SLC6A11: variants seen among roughly 807,000 people sequenced by gnomAD.
The protein encoded by SLC6A11 is solute carrier family 6 member 11.
SLC6A11 carries 25 observed loss-of-function variants against 74.8 expected under a neutral mutation model. The ratio of observed to expected loss-of-function variants is 0.33; its 90% CI spans 0.24 to 0.47. The LOEUF is 0.47. Ranked by LOEUF, SLC6A11 falls within the 20% of genes least tolerant of loss-of-function variation. The probability of loss-of-function intolerance (pLI) is 1.00; values close to 1 mark genes in which losing one functional copy is unlikely to be tolerated. For missense variants in SLC6A11, 574 were observed against 837.0 expected (o/e 0.69, Z 3.88); for synonymous variants, 330 against 330.2 (o/e 1.00, Z 0.01).
At chr3:10,819,260 A>G (rs990085681) in intron 1 of SLC6A11, among the ~76,000 whole-genome samples, 3 of 152,234 alleles carry the variant, frequency 2.0e-5, no homozygotes, top group African/African-American at 7.2e-5. Context: ...TCCATTTTAC[A>G]GATGGAGAAG....
chr3:10,830,633 G>A (rs1694282648), intron 4 of SLC6A11, among the ~76,000 whole-genome samples: 1 of 152,164 alleles, frequency 6.6e-6, no homozygotes, highest in Non-Finnish European at 1.5e-5. Context: ...GAGGTGGCAT[G>A]TCAGCAAGGG....
intron 5 of SLC6A11, among the ~76,000 whole-genome samples, chr3:10,847,514 A>G (rs6807779): frequency 0.66 from 100,712 of 152,064 alleles, 35,273 homozygotes; most frequent in African/African-American, 0.89. Flanking sequence ...GGAGCTGTAA[A>G]AATCCTTAGA....
intron 6 of SLC6A11, among the ~76,000 whole-genome samples, chr3:10,879,543 C>T (rs1694950170): frequency 1.3e-5 from 2 of 152,190 alleles, no homozygotes; most frequent in African/African-American, 4.8e-5. Context: ...TCCCCTCCTC[C>T]CTCAATCACA....
intron 5 of SLC6A11, among the ~76,000 whole-genome samples, chr3:10,873,463 TCCTAC>T (rs1694857599): frequency 6.6e-6 from 1 of 150,426 alleles, no homozygotes; most frequent in Admixed American, 6.6e-5. Context: ...TGGCATGCTA[TCCTAC>T]CCTACCCTAC....
chr3:10,845,237 C>T (rs893960009), intron 5 of SLC6A11, among the ~76,000 whole-genome samples: 2 of 152,168 alleles, frequency 1.3e-5, no homozygotes, highest in Non-Finnish European at 2.9e-5. Context: ...CTTGCCTGCC[C>T]ACACAGTGGC....
intron 3 of SLC6A11, among the ~76,000 whole-genome samples, chr3:10,821,542 T>C (rs58468846): frequency 0.052 from 7,993 of 152,274 alleles, 482 homozygotes; most frequent in African/African-American, 0.14. Context: ...ACTCAACAGA[T>C]TCTGCTTCTT....
At chr3:10,903,653 GT>G in intron 6 of SLC6A11, among the ~76,000 whole-genome samples, 1 of 152,278 alleles carries the variant, frequency 6.6e-6, no homozygotes, top group Middle Eastern at 3.4e-3. Flanking sequence ...TTTCCTCCAG[GT>G]TTTTGAGTAC....
intron 4 of SLC6A11, among the ~76,000 whole-genome samples, chr3:10,834,350 T>TG (rs1323994262): frequency 3.0e-4 from 44 of 148,760 alleles, no homozygotes; most frequent in East Asian, 1.0e-3. Context: ...GTTTTTTTTT[T>TG]TGTTTTTTTT....
intron 4 of SLC6A11, among the ~76,000 whole-genome samples, chr3:10,830,536 G>A (rs1694281285): frequency 6.6e-6 from 1 of 152,150 alleles, no homozygotes; most frequent in Admixed American, 6.5e-5. Flanking sequence ...GAAAATATTG[G>A]ATTAAGTTGA....
intron 4 of SLC6A11, among the ~76,000 whole-genome samples, chr3:10,836,814 G>T (rs1388891430): frequency 6.6e-6 from 1 of 152,232 alleles, no homozygotes; most frequent in African/African-American, 2.4e-5. Context: ...TAGGACAAGG[G>T]TCAGCAAACT....
chr3:10,897,795 C>T (rs1371791168), intron 6 of SLC6A11, among the ~76,000 whole-genome samples: 1 of 152,218 alleles, frequency 6.6e-6, no homozygotes, highest in Non-Finnish European at 1.5e-5. Context: ...TAGGTGGTGT[C>T]CCAGTAGGGA....
intron 5 of SLC6A11, among the ~76,000 whole-genome samples, chr3:10,846,821 G>A (rs1346324745): frequency 6.6e-6 from 1 of 152,132 alleles, no homozygotes; most frequent in Admixed American, 6.5e-5. Flanking sequence ...AAGGGAGGGC[G>A]GGCAGCCTGG....
At chr3:10,910,476 T>C (rs1258893459) in intron 6 of SLC6A11, among the ~76,000 whole-genome samples, 1 of 152,128 alleles carries the variant, frequency 6.6e-6, no homozygotes, top group Non-Finnish European at 1.5e-5. Context: ...TCTTTAAAAA[T>C]GTTCTAATAG....
At chr3:10,873,299 G>A (rs1694848486) in intron 5 of SLC6A11, among the ~76,000 whole-genome samples, 1 of 151,348 alleles carries the variant, frequency 6.6e-6, no homozygotes, top group South Asian at 2.1e-4. Context: ...AGCCCAAATG[G>A]TTCCAGGCAG....
intron 5 of SLC6A11, among the ~76,000 whole-genome samples, chr3:10,871,065 T>G (rs1694822896): frequency 6.6e-6 from 1 of 152,198 alleles, no homozygotes; most frequent in Non-Finnish European, 1.5e-5. Flanking sequence ...CTCTAAACAA[T>G]GGAATTGCTT....
At chr3:10,886,751 G>C (rs1695046917) in intron 6 of SLC6A11, among the ~76,000 whole-genome samples, 1 of 149,828 alleles carries the variant, frequency 6.7e-6, no homozygotes, top group Non-Finnish European at 1.5e-5. Flanking sequence ...AGGTTGCAGT[G>C]AGCCAAGATC....
At chr3:10,856,390 C>T (rs945007657) in intron 5 of SLC6A11, among the ~76,000 whole-genome samples, 2 of 152,240 alleles carry the variant, frequency 1.3e-5, no homozygotes, top group Non-Finnish European at 2.9e-5. Context: ...TGAGGCACAT[C>T]GTTTGCAGAG....
intron 6 of SLC6A11, among the ~76,000 whole-genome samples, chr3:10,904,591 G>C (rs1695279960): frequency 1.3e-5 from 2 of 152,172 alleles, no homozygotes; most frequent in South Asian, 4.1e-4. Context: ...TCGAGAAATA[G>C]GAAGCCCTTT....
At chr3:10,865,594 T>C (rs571595594) in intron 5 of SLC6A11, among the ~76,000 whole-genome samples, 1 of 151,774 alleles carries the variant, frequency 6.6e-6, no homozygotes, top group South Asian at 2.1e-4. Context: ...ATCCAGGAGG[T>C]GGAGGCTGCA....
Sources: gnomAD v4.1 joint callset for allele counts (sites outside exome capture counted in the v4.1 genomes callset) on GRCh38, gnomAD v4.1.1 for gene constraint, MANE v1.5 for transcripts, NCBI Gene and HGNC (gene_info 2026-07-23, HGNC 2026-07-21) for gene names.